Variants in ADRA1B observed in about 807,000 individuals in gnomAD.
ADRA1B encodes alpha-1B adrenergic receptor.
In ADRA1B, 17 loss-of-function variants were observed where a neutral mutation model predicts 17.9. That is an observed-to-expected ratio of 0.95 (90% CI 0.65 to 1.42). ADRA1B has a LOEUF of 1.42. Among genes scored for constraint, ADRA1B ranks in the 40% most tolerant of loss-of-function variants. The pLI, the probability that ADRA1B is intolerant of heterozygous loss-of-function variation, is 0.00. For synonymous variants in ADRA1B, 366 were observed against 327.6 expected (o/e 1.12, Z -1.27); for missense variants, 681 against 722.1 (o/e 0.94, Z 0.65).
In ADRA1B at chr5:159,905,434, A is replaced by G. The variant is rs548763370; in HGVS notation, c.-255-10685A>G. Among the ~76,000 whole-genome samples the G allele has an allele frequency of 2.0e-5, 3 of 152,370 alleles. No homozygotes were observed. In the East Asian group the frequency reaches 5.8e-4, roughly 29 times the overall value. On this transcript the variant is annotated intron_variant, in intron 1 of 2. Transcript: ENST00000641205. ...TCTAAAAAGAGAATGCCATTGAAAG[A>G]CAAAAGTTTCACAAATACTGCTTTA... is the stretch of plus-strand genomic sequence containing the variant.
chr5:159,911,066 G>A (rs1006335353), intron 1 of ADRA1B, among the ~76,000 whole-genome samples: 1 of 152,198 alleles, frequency 6.6e-6, no homozygotes, highest in Non-Finnish European at 1.5e-5. Context: ...GATCTGTGAT[G>A]TGAACAGTGA....
intron 1 of ADRA1B, among the ~76,000 whole-genome samples, chr5:159,886,727 A>G (rs1430716579): frequency 6.6e-6 from 1 of 152,122 alleles, no homozygotes; most frequent in Non-Finnish European, 1.5e-5. Flanking sequence ...CCACTCTTAC[A>G]TTGCGGAGTG....
chr5:159,963,851 G>A (rs1755723572), intron 1 of ADRA1B, among the ~76,000 whole-genome samples: 1 of 152,182 alleles, frequency 6.6e-6, no homozygotes. Flanking sequence ...TGTATATCCT[G>A]CTCAATGTGA....
intron 1 of ADRA1B, among the ~76,000 whole-genome samples, chr5:159,920,419 C>A (rs1003009688): frequency 6.6e-6 from 1 of 152,116 alleles, no homozygotes; most frequent in African/African-American, 2.4e-5. Context: ...GAGACTTTGT[C>A]CCCCTAGCAT....
At chr5:159,893,168 C>A (rs564909459) in intron 1 of ADRA1B, among the ~76,000 whole-genome samples, 1 of 150,346 alleles carries the variant, frequency 6.7e-6, no homozygotes, top group Non-Finnish European at 1.5e-5. Flanking sequence ...TTCTTTGAAG[C>A]AGATGCTGTT....
the ADRA1B span, among the ~76,000 whole-genome samples, chr5:159,979,437 G>A: frequency 6.6e-6 from 1 of 152,200 alleles, no homozygotes; most frequent in African/African-American, 2.4e-5. Context: ...CTGGCACATG[G>A]TACTTGTTCA....
intron 1 of ADRA1B, among the ~76,000 whole-genome samples, chr5:159,876,473 A>G (rs750073183): frequency 6.6e-6 from 1 of 152,180 alleles, no homozygotes; most frequent in Non-Finnish European, 1.5e-5. Flanking sequence ...CTCAGATCCC[A>G]TTTGCCAGAA....
intron 1 of ADRA1B, among the ~76,000 whole-genome samples, chr5:159,932,283 A>C (rs1044259404): frequency 4.6e-5 from 7 of 151,986 alleles, no homozygotes; most frequent in African/African-American, 1.5e-4. Context: ...CATCCTCCCA[A>C]GTAGCAGGGA....
chr5:159,947,297 G>A (rs1025657984), intron 1 of ADRA1B, among the ~76,000 whole-genome samples: 5 of 151,816 alleles, frequency 3.3e-5, no homozygotes, highest in Admixed American at 1.3e-4. Context: ...ATACAAGATC[G>A]CACCACCGCA....
chr5:159,974,373 C>A (rs1018048915), downstream of ADRA1B, among the ~76,000 whole-genome samples: 3 of 152,156 alleles, frequency 2.0e-5, no homozygotes, highest in Non-Finnish European at 4.4e-5. Context: ...CAGTGGCTCA[C>A]GCCTGTATCC....
intron 1 of ADRA1B, among the ~76,000 whole-genome samples, chr5:159,888,661 C>G (rs908269500): frequency 6.6e-6 from 1 of 152,086 alleles, no homozygotes; most frequent in African/African-American, 2.4e-5. Flanking sequence ...GCAGAAAGCA[C>G]CTACCCCTCC....
intron 1 of ADRA1B, among the ~76,000 whole-genome samples, chr5:159,909,068 C>T: frequency 6.6e-6 from 1 of 152,198 alleles, no homozygotes. Context: ...CCTTCCAAAT[C>T]TTTTGGTTTG....
chr5:159,939,331 G>A (rs999289534), intron 1 of ADRA1B, among the ~76,000 whole-genome samples: 10 of 149,178 alleles, frequency 6.7e-5, no homozygotes, highest in African/African-American at 1.2e-4. Flanking sequence ...GTGCGCGCGC[G>A]CGCGCACACA....
At chr5:159,971,853 C>CGGGGGGGGGGGGCGGG in intron 1 of ADRA1B, 26 bp from the exon 2 acceptor site, 1 of 1,305,876 alleles carries the variant, frequency 7.7e-7, no homozygotes, top group Non-Finnish European at 9.8e-7. Flanking sequence ...TCTTTCTGCC[C>CGGGGGGGGGGGGCGGG]GTGCCCACCC....
At chr5:159,988,638 T>C in the ADRA1B span, among the ~76,000 whole-genome samples, 669 of 152,202 alleles carry the variant, frequency 4.4e-3, 5 homozygotes, top group African/African-American at 0.016. Context: ...TACACCTGAG[T>C]CTCTTTCCTA....
intron 1 of ADRA1B, among the ~76,000 whole-genome samples, chr5:159,965,853 T>A (rs547809836): frequency 4.8e-4 from 73 of 152,258 alleles, no homozygotes; most frequent in East Asian, 9.6e-4. Context: ...TTATTTATTT[T>A]TTTGACACAG....
chr5:159,874,498 C>A (rs916569745), intron 1 of ADRA1B, among the ~76,000 whole-genome samples: 3 of 152,132 alleles, frequency 2.0e-5, no homozygotes, highest in Non-Finnish European at 4.4e-5. Context: ...ACTTCATTGA[C>A]ATTTCTTCCA....
intron 1 of ADRA1B, chr5:159,869,004 C>T (rs952345719): frequency 6.6e-6 from 1 of 152,160 alleles, no homozygotes; most frequent in African/African-American, 2.4e-5. Context: ...TTGCTTATAG[C>T]TCTAATATCC....
chr5:159,980,243 A>G, the ADRA1B span, among the ~76,000 whole-genome samples: 3 of 152,082 alleles, frequency 2.0e-5, no homozygotes, highest in Non-Finnish European at 4.4e-5. Context: ...AAGAGTTTCC[A>G]TGTCCATAGA....
Sources: allele counts gnomAD v4.1 joint callset (sites outside exome capture counted in the v4.1 genomes callset), GRCh38; gene constraint gnomAD v4.1.1; transcripts MANE v1.5; gene names NCBI Gene and HGNC (gene_info 2026-07-23, HGNC 2026-07-21).